ESRRG: variants seen among roughly 807,000 people sequenced by gnomAD.
The protein encoded by ESRRG is estrogen-related receptor gamma.
A neutral mutation model predicts 44.0 loss-of-function variants in ESRRG; 13 were observed. That is an observed-to-expected ratio of 0.30 (90% CI 0.19 to 0.47). The LOEUF is 0.47. ESRRG is among the 20% of genes least tolerant of loss of function. The pLI, the probability that ESRRG is intolerant of heterozygous loss-of-function variation, is 1.00. For synonymous variants in ESRRG, 215 were observed against 214.6 expected, an observed-to-expected ratio of 1.00 and a Z score of -0.02; for missense variants, 395 against 580.6, an observed-to-expected ratio of 0.68 and a Z score of 3.29.
intron 3 of ESRRG, among the ~76,000 whole-genome samples, chr1:216,607,377 C>G (rs1459615300): frequency 6.6e-6 from 1 of 151,174 alleles, no homozygotes; most frequent in Non-Finnish European, 1.5e-5. Context: ...GCGGCATCAG[C>G]CTAACTTACA....
At chr1:216,683,298 C>T (rs1013994691) in intron 1 of ESRRG, among the ~76,000 whole-genome samples, 9 of 152,156 alleles carry the variant, frequency 5.9e-5, no homozygotes, top group African/African-American at 1.7e-4. Context: ...GATAAAAACA[C>T]ATGGACAACT....
intron 2 of ESRRG, among the ~76,000 whole-genome samples, chr1:216,853,931 TG>T (rs906304957): frequency 3.3e-5 from 5 of 152,214 alleles, no homozygotes; most frequent in African/African-American, 9.6e-5. Context: ...TCAGAGCATG[TG>T]TGCCTTCTGT....
chr1:216,748,407 C>G (rs1352780272), intron 2 of ESRRG, among the ~76,000 whole-genome samples: 2 of 152,034 alleles, frequency 1.3e-5, no homozygotes, highest in African/African-American at 4.8e-5. Context: ...GCCAGAAATT[C>G]CAAATAATTT....
chr1:216,944,610 T>C (rs1281638054), intron 1 of ESRRG, among the ~76,000 whole-genome samples: 1 of 152,056 alleles, frequency 6.6e-6, no homozygotes, highest in African/African-American at 2.4e-5. Flanking sequence ...ATCTTGGTGG[T>C]AATGCACTCC....
intron 5 of ESRRG, among the ~76,000 whole-genome samples, chr1:216,552,740 A>G (rs940251921): frequency 1.3e-5 from 2 of 152,152 alleles, no homozygotes. Flanking sequence ...AGGCCATTCC[A>G]GCTCTATCAT....
intron 2 of ESRRG, among the ~76,000 whole-genome samples, chr1:216,879,930 T>C (rs190390533): frequency 2.6e-5 from 4 of 152,314 alleles, no homozygotes; most frequent in East Asian, 1.9e-4. Flanking sequence ...TTGTGAACTA[T>C]ATAGTTGTTC....
intron 1 of ESRRG, among the ~76,000 whole-genome samples, chr1:217,131,313 G>T (rs930926421): frequency 6.6e-6 from 1 of 150,836 alleles, no homozygotes; most frequent in African/African-American, 2.5e-5. Context: ...TAATGACCAG[G>T]TTTATTCCAA....
chr1:216,943,066 C>G (rs1023633862), intron 1 of ESRRG, among the ~76,000 whole-genome samples: 3 of 151,628 alleles, frequency 2.0e-5, no homozygotes, highest in African/African-American at 7.3e-5. Flanking sequence ...AAAAAAAATA[C>G]AGGATTAAGA....
At chr1:216,556,480 G>A (rs533611518) in intron 5 of ESRRG, among the ~76,000 whole-genome samples, 4 of 152,194 alleles carry the variant, frequency 2.6e-5, no homozygotes, top group African/African-American at 9.6e-5. Context: ...CAAAAGTATT[G>A]GGAAATCTTT....
chr1:216,629,808 G>C (rs2063807792), intron 3 of ESRRG, among the ~76,000 whole-genome samples: 1 of 152,100 alleles, frequency 6.6e-6, no homozygotes, highest in Non-Finnish European at 1.5e-5. Flanking sequence ...TGGAGACTTA[G>C]GCAAAATACC....
chr1:217,133,645 C>CTCTCTCTCTCTCTT (rs1266397788), intron 1 of ESRRG, among the ~76,000 whole-genome samples: 8 of 91,808 alleles, frequency 8.7e-5, no homozygotes, highest in South Asian at 4.3e-4. Flanking sequence ...CTCTCTCTCT[C>CTCTCTCTCTCTCTT]TCTTTCTTTC....
At chr1:216,593,558 T>A (rs2058011815) in intron 3 of ESRRG, among the ~76,000 whole-genome samples, 1 of 152,236 alleles carries the variant, frequency 6.6e-6, no homozygotes, top group Admixed American at 6.5e-5. Context: ...ATTCTAATTA[T>A]TCCTCTAAAA....
At chr1:217,092,940 A>C (rs1310005993), upstream of ESRRG, among the ~76,000 whole-genome samples, 1 of 152,162 alleles carries the variant, frequency 6.6e-6, no homozygotes, top group Non-Finnish European at 1.5e-5. Context: ...AGTCCCTAGA[A>C]AACAATTTAG....
At chr1:217,120,766 T>C (rs1580627552) in intron 1 of ESRRG, among the ~76,000 whole-genome samples, 1 of 152,350 alleles carries the variant, frequency 6.6e-6, no homozygotes, top group East Asian at 1.9e-4. Flanking sequence ...TTTTCGCTCA[T>C]ACGTACCAAC....
intron 1 of ESRRG, among the ~76,000 whole-genome samples, chr1:217,012,855 A>T (rs1474847129): frequency 6.6e-6 from 1 of 152,208 alleles, no homozygotes; most frequent in African/African-American, 2.4e-5. Flanking sequence ...CCACAAACTG[A>T]GTGGCTTAAA....
At chr1:216,772,341 C>G (rs753922690) in intron 2 of ESRRG, among the ~76,000 whole-genome samples, 3 of 152,126 alleles carry the variant, frequency 2.0e-5, no homozygotes, top group African/African-American at 4.8e-5. Flanking sequence ...ACTCTGCTCT[C>G]TCTTTCTCTA....
chr1:216,768,855 A>G (rs1037021628), intron 2 of ESRRG, among the ~76,000 whole-genome samples: 2 of 152,104 alleles, frequency 1.3e-5, no homozygotes, highest in Admixed American at 6.6e-5. Flanking sequence ...AGAAAAGTGA[A>G]TATCTTGTCT....
chr1:216,768,643 C>T (rs1237061335), intron 2 of ESRRG, among the ~76,000 whole-genome samples: 5 of 152,070 alleles, frequency 3.3e-5, no homozygotes, highest in African/African-American at 4.8e-5. Context: ...GCATGCGCCA[C>T]CACATCTGGC....
chr1:217,053,015 T>C (rs1340387538), intron 1 of ESRRG, among the ~76,000 whole-genome samples: 2 of 151,796 alleles, frequency 1.3e-5, no homozygotes. Flanking sequence ...CAAAATTGCA[T>C]ATCCTTTACC....
Sources: allele counts gnomAD v4.1 joint callset (sites outside exome capture counted in the v4.1 genomes callset), GRCh38; gene constraint gnomAD v4.1.1; transcripts MANE v1.5; gene names NCBI Gene and HGNC (gene_info 2026-07-23, HGNC 2026-07-21).